MBTD1: variants seen among roughly 807,000 people sequenced by gnomAD.
MBTD1 encodes mbt domain containing 1, also known as MBT domain-containing protein 1.
A neutral mutation model predicts 87.8 loss-of-function variants in MBTD1; 24 were observed. The observed-to-expected ratio is 0.27, with a 90% confidence interval of 0.20 to 0.38. The LOEUF (loss-of-function observed/expected upper bound fraction) is 0.38. Ranked by LOEUF, MBTD1 falls within the 10% of genes least tolerant of loss-of-function variation. MBTD1 has a pLI of 1.00. For missense variants in MBTD1, 436 were observed against 760.2 expected, an observed-to-expected ratio of 0.57 and a Z score of 5.02; for synonymous variants, 237 against 248.6, an observed-to-expected ratio of 0.95 and a Z score of 0.44.
chr17:51,208,737 T>C (rs981730393), intron 6 of MBTD1, among the ~76,000 whole-genome samples: 20 of 152,170 alleles, frequency 1.3e-4, no homozygotes, highest in Non-Finnish European at 2.8e-4. Context: ...GGCACACTGG[T>C]AAGTAAGTTT....
At chr17:51,228,949 C>T (rs966256216) in intron 2 of MBTD1, among the ~76,000 whole-genome samples, 3 of 151,610 alleles carry the variant, frequency 2.0e-5, no homozygotes, top group Non-Finnish European at 4.4e-5. Flanking sequence ...AAAATAAAAA[C>T]AGGAGACGGG....
intron 16 of MBTD1, among the ~76,000 whole-genome samples, chr17:51,189,664 AAAAACCATTTTTAATTTG>A (rs1190228456): frequency 6.6e-6 from 1 of 152,226 alleles, no homozygotes; most frequent in Non-Finnish European, 1.5e-5. Flanking sequence ...ACTGAGTAAT[AAAAACCATTTTTAATTTG>A]ACATCTTGGA....
chr17:51,229,406 A>G (rs1375732628), intron 2 of MBTD1, among the ~76,000 whole-genome samples: 1 of 152,102 alleles, frequency 6.6e-6, no homozygotes. Flanking sequence ...CTAGTATTAC[A>G]TGACCAGTAA....
intron 2 of MBTD1, among the ~76,000 whole-genome samples, chr17:51,229,536 T>C (rs770190870): frequency 3.3e-4 from 50 of 152,172 alleles, no homozygotes; most frequent in Middle Eastern, 3.2e-3. Context: ...GGTGCAGCTA[T>C]GAAAGCTACA....
chr17:51,201,166 C>T (rs1304538846), intron 12 of MBTD1, among the ~76,000 whole-genome samples: 1 of 151,922 alleles, frequency 6.6e-6, no homozygotes, highest in Non-Finnish European at 1.5e-5. Context: ...CCAAGAATTT[C>T]TCTTCTAGGT....
At chr17:51,225,522 TTG>T (rs1173499316) in intron 2 of MBTD1, among the ~76,000 whole-genome samples, 1 of 145,804 alleles carries the variant, frequency 6.9e-6, no homozygotes, top group Non-Finnish European at 1.5e-5. Flanking sequence ...ATAAACATTT[TTG>T]TGTTTTTTTT....
intron 16 of MBTD1, among the ~76,000 whole-genome samples, chr17:51,190,391 G>T (rs146887474): frequency 6.6e-6 from 1 of 151,884 alleles, no homozygotes; most frequent in Non-Finnish European, 1.5e-5. Context: ...ACAGGCATGA[G>T]CCACCGCGTC....
upstream of MBTD1, chr17:51,260,090 G>T (rs2055389824): frequency 2.6e-6 from 1 of 382,644 alleles, no homozygotes. Flanking sequence ...GCCGTGACCC[G>T]CGCCCCGATT....
chr17:51,235,887 T>C (rs2053801598), intron 2 of MBTD1, among the ~76,000 whole-genome samples: 1 of 152,172 alleles, frequency 6.6e-6, no homozygotes, highest in Non-Finnish European at 1.5e-5. Context: ...TAAAGCTTCC[T>C]GACTCCAAGA....
At chr17:51,181,693 C>T (rs1368611407) in intron 16 of MBTD1, among the ~76,000 whole-genome samples, 1 of 152,176 alleles carries the variant, frequency 6.6e-6, no homozygotes, top group Admixed American at 6.5e-5. Context: ...TATTAAACTC[C>T]TGAGCCGAGT....
At chr17:51,220,100 A>C (rs1251939951) in intron 4 of MBTD1, among the ~76,000 whole-genome samples, 1 of 152,248 alleles carries the variant, frequency 6.6e-6, no homozygotes, top group Non-Finnish European at 1.5e-5. Flanking sequence ...TATTTTAATT[A>C]ACTTCTGCAA....
intron 15 of MBTD1, 146 bp downstream of exon 15, chr17:51,192,636 T>C (rs2050868018): frequency 5.7e-6 from 8 of 1,396,514 alleles, no homozygotes; most frequent in Non-Finnish European, 7.7e-6. Flanking sequence ...TGTGATATTG[T>C]TGTTGAGTCT....
chr17:51,253,167 G>C (rs945209227), intron 2 of MBTD1, among the ~76,000 whole-genome samples: 6 of 152,016 alleles, frequency 3.9e-5, no homozygotes, highest in African/African-American at 1.4e-4. Flanking sequence ...GATGATATCT[G>C]GTATCAGTAA....
intron 16 of MBTD1, among the ~76,000 whole-genome samples, chr17:51,181,461 T>C (rs1187002789): frequency 1.3e-5 from 2 of 152,130 alleles, no homozygotes; most frequent in Non-Finnish European, 2.9e-5. Flanking sequence ...CTGGATGTGG[T>C]AGCAGCCTGG....
intron 2 of MBTD1, among the ~76,000 whole-genome samples, chr17:51,225,526 G>GTT (rs57075455): frequency 0.1 from 14,904 of 143,406 alleles, 1,463 homozygotes; most frequent in African/African-American, 0.26. Flanking sequence ...ACATTTTTGT[G>GTT]TTTTTTTTTT....
At chr17:51,192,561 G>T in intron 15 of MBTD1, 1 of 789,300 alleles carries the variant, frequency 1.3e-6, no homozygotes, top group East Asian at 2.7e-5. Context: ...TGACTGTTGT[G>T]TTTCTATAGT....
At chr17:51,260,630 G>C (rs532829481), upstream of MBTD1, 1 of 1,612,582 alleles carries the variant, frequency 6.2e-7, no homozygotes, top group Admixed American at 1.7e-5. Context: ...CCGGAGAACC[G>C]GAGCGAAGCC....
At position 51,260,023 on chromosome 17, in the gene MBTD1, G is replaced by T; in HGVS notation, c.-301C>A. On this transcript the variant is annotated 5_prime_UTR_variant, in exon 1 of 17. Transcript: ENST00000586178. ...CCCCCGGATTTCCCCCCTTTAACTC[G>T]GGTGGCCCCAGGATATCAACAACAT... is the stretch of plus-strand genomic sequence containing the variant. 1 of 453,880 alleles carries T rather than the reference G, an allele frequency of 2.2e-6. No homozygotes were observed. The highest frequency in any genetic ancestry group is 3.6e-6 in the Non-Finnish European group (1 of 278,316). The allele number at this position is 453,880 out of a possible 1,614,324, so 28.1% of individuals were successfully genotyped here.
At chr17:51,249,978 T>G (rs2054679858) in intron 2 of MBTD1, 1 of 152,274 alleles carries the variant, frequency 6.6e-6, no homozygotes, top group Non-Finnish European at 1.5e-5. Flanking sequence ...CTCTGCAGCC[T>G]TGACCTCCTG....
Sources: gnomAD v4.1 joint callset for allele counts (sites outside exome capture counted in the v4.1 genomes callset) on GRCh38, gnomAD v4.1.1 for gene constraint, MANE v1.5 for transcripts, NCBI Gene and HGNC (gene_info 2026-07-23, HGNC 2026-07-21) for gene names.